The following ZNF675 variants were observed in gnomAD, a reference collection of about 807,000 sequenced individuals.
ZNF675 encodes zinc finger protein 675, also known as TRAF6 inhibitory zinc finger.
ZNF675 carries 36 observed loss-of-function variants against 56.1 expected under a neutral mutation model. The observed-to-expected ratio is 0.64, with a 90% CI of 0.49 to 0.85. The LOEUF (loss-of-function observed/expected upper bound fraction) is 0.85, where lower values mean the gene tolerates loss of function less well. ZNF675 is among the 40% of genes least tolerant of loss of function. ZNF675 has a pLI of 0.00. For synonymous variants in ZNF675, 200 were observed against 218.9 expected, an observed-to-expected ratio of 0.91 and a Z score of 0.76; for missense variants, 663 against 654.2, an observed-to-expected ratio of 1.01 and a Z score of -0.15.
chr19:23,687,109 T>G lies in ZNF675; in HGVS notation c.-76A>C. 1.9e-6 allele frequency: 3 copies of G among 1,569,858 alleles called. No individual in the cohort carries two copies. The South Asian group carries it at 3.3e-5, about 17-fold the overall frequency. On this transcript the variant is annotated 5_prime_UTR_variant, in exon 1 of 4. Transcript: ENST00000359788. ...CTGCAGGTCACAGGCCCACAGAGGC[T>G]GGACCTCTAGGAGCAGAGGACACAG... is the stretch of plus-strand genomic sequence containing the variant.
At chr19:23,671,200 A>G (rs1012814202) in intron 1 of ZNF675, among the ~76,000 whole-genome samples, 1 of 152,210 alleles carries the variant, frequency 6.6e-6, no homozygotes, top group East Asian at 1.9e-4. Flanking sequence ...GCATTTTATT[A>G]GCCAATCTGC....
chr19:23,687,028 C>T lies in ZNF675; in HGVS notation c.3+3G>A. 1 of 1,613,756 alleles carries T rather than the reference C, an allele frequency of 6.2e-7. No individual in the cohort carries two copies. Among genetic ancestry groups the T allele is most frequent in the Non-Finnish European group, 8.5e-7 (1 of 1,179,756 alleles). The stretch of plus-strand genomic sequence containing the variant: ...CTCGGGATGTCGCACCCGTAACTCT[C>T]ACCATTTCTAGGCTTCCAGGGGGTC... On this transcript the variant is annotated splice_donor_region_variant and intron_variant, in intron 1 of 3. Transcript: ENST00000359788.
In ZNF675 at chr19:23,653,348, T is replaced by G; in HGVS notation, c.1585A>C (p.Ile529Leu). 1.2e-6 allele frequency: 2 copies of G among 1,613,714 alleles called. No homozygotes were observed. Among genetic ancestry groups the G allele is most frequent in the Non-Finnish European group, 1.7e-6 (2 of 1,179,966 alleles). ...RSSKLTEHKI[I>L]HTGEKPYKCE... ...TTATAGGGTTTCTCTCCAGTATGAATTATCTTATGTTCAGTAAGTTTTGAG... is the reference window on the plus strand; with the variant it reads ...TTATAGGGTTTCTCTCCAGTATGAAGTATCTTATGTTCAGTAAGTTTTGAG... The change falls in exon 4 of 4, where the codon ATT (isoleucine) becomes CTT (leucine). Residue 529 changes from isoleucine to leucine, a missense_variant. By Grantham distance (5) the Ile-to-Leu change is conservative. Coordinates refer to ENST00000359788, the MANE Select transcript of ZNF675 (RefSeq NM_138330.3).
At chr19:23,671,662 T>C (rs1968228301) in intron 1 of ZNF675, among the ~76,000 whole-genome samples, 1 of 151,788 alleles carries the variant, frequency 6.6e-6, no homozygotes, top group African/African-American at 2.4e-5. Context: ...ACTGCCCCTG[T>C]CTAGGAACAT....
intron 1 of ZNF675, among the ~76,000 whole-genome samples, chr19:23,670,375 C>T (rs1175748874): frequency 6.6e-6 from 1 of 152,136 alleles, no homozygotes; most frequent in African/African-American, 2.4e-5. Context: ...GGTCAGAAAT[C>T]TCCTATGTAC....
At chr19:23,674,984 A>AG (rs11461936) in intron 1 of ZNF675, among the ~76,000 whole-genome samples, 128,927 of 139,464 alleles carry the variant, frequency 0.92, 59,866 homozygotes, top group East Asian at 0.99. Flanking sequence ...AAAAAAAAAA[A>AG]AGAGAGAGAG....
Position 23,687,070 on chromosome 19 carries a change from G to A in ZNF675, c.-37C>T, listed in dbSNP as rs953065313. 11 of 1,613,032 alleles carry A rather than the reference G, an allele frequency of 6.8e-6. No homozygotes were observed. The highest frequency in any genetic ancestry group is 9.3e-6 in the Non-Finnish European group (11 of 1,179,356). On this transcript the variant is annotated 5_prime_UTR_variant, in exon 1 of 4. Transcript: ENST00000359788. The stretch of plus-strand genomic sequence containing the variant: ...CAGGGGGTCCTGGAGTCTTAGCTGT[G>A]GATCTCTCAATTTCTGCAGGTCACA...
chr19:23,653,786 G>C lies in ZNF675; in HGVS notation c.1147C>G (p.Leu383Val), dbSNP rs145544078. The C allele has an allele frequency of 1.5e-4, 234 of 1,613,760 alleles. 1 individual carries two copies. Among genetic ancestry groups the C allele is most frequent in the Non-Finnish European group, 1.5e-4 (174 of 1,179,954 alleles). Residue 383 changes from leucine to valine, a missense_variant, in exon 4 of 4, where the codon CTT becomes GTT. Physicochemically the swap from Leu to Val is conservative, Grantham distance 32 (BLOSUM62 1). Coordinates refer to ENST00000359788, the MANE Select transcript of ZNF675 (RefSeq NM_138330.3). ...CGKAFNRSSN[L>V]TEHRKIHTEE... ...GTATGAATTTTCCTATGTTCCGTAAGATTTGAGGATCGGTTAAAAGCTTTG... is the reference window on the plus strand; with the variant it reads ...GTATGAATTTTCCTATGTTCCGTAACATTTGAGGATCGGTTAAAAGCTTTG...
chr19:23,678,910 T>C (rs1968337370), intron 1 of ZNF675, among the ~76,000 whole-genome samples: 1 of 151,640 alleles, frequency 6.6e-6, no homozygotes, highest in Non-Finnish European at 1.5e-5. Flanking sequence ...CTCATGCCTG[T>C]AATCCCAGCA....
In ZNF675 at chr19:23,674,844, T is replaced by C; in HGVS notation, c.4-11686A>G. On this transcript the variant is annotated intron_variant, in intron 1 of 3. Transcript: ENST00000359788. The stretch of plus-strand genomic sequence containing the variant: ...ATTATTAGCTGGGCATGGTGGCACA[T>C]GCCTGTAATCCCAGCTACTTGGGAG... Among the ~76,000 whole-genome samples, 2 of 149,474 alleles carry C rather than the reference T, an allele frequency of 1.3e-5. 1 individual carries two copies. The highest frequency in any genetic ancestry group is 3.0e-5 in the Non-Finnish European group (2 of 67,608).
intron 1 of ZNF675, among the ~76,000 whole-genome samples, chr19:23,673,435 G>T (rs887878514): frequency 5.3e-5 from 8 of 152,202 alleles, no homozygotes; most frequent in African/African-American, 1.7e-4. Context: ...GAAGTTCGTA[G>T]AAATCTGGCC....
At chr19:23,658,975 A>G (rs1477887081) in intron 3 of ZNF675, among the ~76,000 whole-genome samples, 1 of 147,402 alleles carries the variant, frequency 6.8e-6, no homozygotes, top group East Asian at 2.0e-4. Context: ...ATAGATATAG[A>G]TCTAGAGATA....
intron 1 of ZNF675, among the ~76,000 whole-genome samples, chr19:23,682,804 T>G (rs1350377008): frequency 6.6e-6 from 1 of 151,844 alleles, no homozygotes; most frequent in Non-Finnish European, 1.5e-5. Context: ...AAGAAAATTT[T>G]AAGGTGCTTC....
intron 1 of ZNF675, among the ~76,000 whole-genome samples, chr19:23,665,155 GC>G (rs944242975): frequency 1.3e-5 from 2 of 151,860 alleles, no homozygotes; most frequent in African/African-American, 4.8e-5. Flanking sequence ...GACCAGCCTG[GC>G]CAACATGGTG....
chr19:23,663,051 G>A lies in ZNF675; in HGVS notation c.111C>T (p.Tyr37=). ...CCTTACCCAGGAAGACCAGGTTTCT[G>A]TAGTTCTCTAAAATCACATTTTTAT... ...NLYKNVILEN[Y]RNLVFLGIAV... Residue 37 remains tyrosine, a synonymous_variant, in exon 2 of 4, where the codon TAC becomes TAT. Coordinates refer to ENST00000359788, the MANE Select transcript of ZNF675 (RefSeq NM_138330.3). 4 of 1,601,718 alleles carry A rather than the reference G, an allele frequency of 2.5e-6. No homozygotes were observed. The highest frequency in any genetic ancestry group is 1.1e-5 in the South Asian group (1 of 88,846).
At position 23,654,099 on chromosome 19, in the gene ZNF675, A is replaced by G. The variant is rs1967949020; in HGVS notation, c.834T>C (p.His278=). Reference sequence around the variant, plus strand: ...CACATTTGTAGGGTTTCTCTCCTGTATGAATTATCTTATGTGTAGTAAGGT... The same window carrying G: ...CACATTTGTAGGGTTTCTCTCCTGTGTGAATTATCTTATGTGTAGTAAGGT... ...SSHLTTHKII[H]TGEKPYKCEE... Residue 278 remains histidine (H), a synonymous_variant, in exon 4 of 4, where the codon CAT becomes CAC. Transcript: ENST00000359788. 6.2e-7 allele frequency: 1 copy of G among 1,613,724 alleles called. No individual in the cohort carries two copies. The highest frequency in any genetic ancestry group is 1.1e-5 in the South Asian group (1 of 91,084).
At chr19:23,670,862 T>C (rs1462659695) in intron 1 of ZNF675, among the ~76,000 whole-genome samples, 1 of 152,116 alleles carries the variant, frequency 6.6e-6, no homozygotes, top group Non-Finnish European at 1.5e-5. Context: ...AAAGAACAAA[T>C]CTTTTGACGC....
rs552384270 is a variant in ZNF675 at position 23,660,136 on chromosome 19, C to T, written c.226+1978G>A. 5.9e-5 allele frequency among the ~76,000 whole-genome samples: 9 copies of T among 152,136 alleles called. No homozygotes were observed. In the South Asian group the frequency reaches 1.2e-3, roughly 21 times the overall value. ...TTTAAACTACCCAAGTTTTTTAGGA[C>T]AAGCCAACTAAAGGCAGACCCTAGT... On this transcript the variant is annotated intron_variant, in intron 3 of 3. Coordinates refer to ENST00000359788, the MANE Select transcript of ZNF675 (RefSeq NM_138330.3).
rs758310294 is a variant in ZNF675, at chr19:23,654,616, C to A, written c.317G>T (p.Cys106Phe). Residue 106 changes from cysteine to phenylalanine, a missense_variant, in exon 4 of 4, where the codon TGT becomes TTT. Physicochemically the swap from Cys to Phe is radical, Grantham distance 205. Coordinates refer to ENST00000359788, the MANE Select transcript of ZNF675 (RefSeq NM_138330.3). Reference protein sequence around the residue: ...EKVTLRRYEKCGNDNFQLKGC... With the variant: ...EKVTLRRYEKFGNDNFQLKGC... The stretch of plus-strand genomic sequence containing the variant: ...TTTTAACTGAAAATTATCATTTCCA[C>A]ATTTTTCATATCTTCTCAGTGTCAC... The A allele has an allele frequency of 5.6e-6, 9 of 1,611,476 alleles. No individual in the cohort carries two copies. Among genetic ancestry groups the A allele is most frequent in the Non-Finnish European group, 7.6e-6 (9 of 1,178,714 alleles).
Sources: gnomAD v4.1 joint callset for allele counts (sites outside exome capture counted in the v4.1 genomes callset) on GRCh38, gnomAD v4.1.1 for gene constraint, MANE v1.5 for transcripts, NCBI Gene and HGNC (gene_info 2026-07-23, HGNC 2026-07-21) for gene names.